The following RGS6 variants were observed in gnomAD, a reference collection of about 807,000 sequenced individuals.
RGS6 encodes the protein regulator of G-protein signaling 6.
RGS6 carries 30 observed loss-of-function variants against 78.5 expected under a neutral mutation model. The ratio of observed to expected loss-of-function variants is 0.38; its 90% CI spans 0.29 to 0.52. The LOEUF is 0.52. Among genes scored for constraint, RGS6 ranks in the 20% least tolerant of loss-of-function variants. The pLI is 0.85. For synonymous variants in RGS6, 206 were observed against 206.0 expected, an observed-to-expected ratio of 1.00 and a Z score of 0.00; for missense variants, 495 against 609.7, an observed-to-expected ratio of 0.81 and a Z score of 1.98.
At chr14:72,207,449 A>G (rs1051696446) in intron 2 of RGS6, among the ~76,000 whole-genome samples, 1 of 152,184 alleles carries the variant, frequency 6.6e-6, no homozygotes, top group African/African-American at 2.4e-5. Flanking sequence ...TCATCCGTAC[A>G]TCTAGATTGT....
At chr14:72,415,979 C>T (rs904909909) in intron 3 of RGS6, among the ~76,000 whole-genome samples, 6 of 152,018 alleles carry the variant, frequency 3.9e-5, no homozygotes, top group African/African-American at 1.2e-4. Flanking sequence ...GAAACCCCAA[C>T]TCTACTAAAA....
At chr14:72,348,449 T>C (rs1249596887) in intron 2 of RGS6, among the ~76,000 whole-genome samples, 2 of 152,350 alleles carry the variant, frequency 1.3e-5, no homozygotes, top group East Asian at 1.9e-4. Flanking sequence ...AAAATACTTA[T>C]AATGATTTTG....
At chr14:72,609,728 C>T in the RGS6 span, among the ~76,000 whole-genome samples, 1 of 152,112 alleles carries the variant, frequency 6.6e-6, no homozygotes, top group East Asian at 1.9e-4. Context: ...GAGGTGGGAG[C>T]TTTTTGTTTG....
chr14:72,093,064 AAAG>A (rs2095317034), intron 2 of RGS6, among the ~76,000 whole-genome samples: 1 of 151,878 alleles, frequency 6.6e-6, no homozygotes, highest in Non-Finnish European at 1.5e-5. Context: ...GTGTGTGTAT[AAAG>A]AATACCAATA....
chr14:72,282,668 A>G (rs1320488277), intron 2 of RGS6, among the ~76,000 whole-genome samples: 3 of 152,226 alleles, frequency 2.0e-5, no homozygotes, highest in Non-Finnish European at 4.4e-5. Flanking sequence ...ATGAGTTTGG[A>G]CATATGCAAT....
chr14:72,296,248 T>C (rs574190556), intron 2 of RGS6, among the ~76,000 whole-genome samples: 1 of 152,356 alleles, frequency 6.6e-6, no homozygotes, highest in Admixed American at 6.5e-5. Flanking sequence ...TATGCCAGTT[T>C]ATCCATTCTC....
intron 2 of RGS6, among the ~76,000 whole-genome samples, chr14:71,978,364 G>A (rs1163147543): frequency 8.9e-6 from 1 of 112,360 alleles, no homozygotes; most frequent in African/African-American, 3.3e-5. Context: ...AATGCTGCCA[G>A]TTTTTGCCCA....
At chr14:72,551,713 C>A (rs2097509321) in intron 17 of RGS6, among the ~76,000 whole-genome samples, 1 of 152,202 alleles carries the variant, frequency 6.6e-6, no homozygotes, top group Non-Finnish European at 1.5e-5. Context: ...ACAACAAAGC[C>A]CACTGCACAG....
intron 3 of RGS6, among the ~76,000 whole-genome samples, chr14:72,430,803 G>T (rs1156553407): frequency 1.3e-5 from 2 of 152,092 alleles, no homozygotes; most frequent in Non-Finnish European, 2.9e-5. Flanking sequence ...CCTCCCAAAT[G>T]CTGATCACCC....
At chr14:71,956,372 A>G (rs1295553424) in intron 1 of RGS6, among the ~76,000 whole-genome samples, 1 of 150,520 alleles carries the variant, frequency 6.6e-6, no homozygotes, top group Non-Finnish European at 1.5e-5. Context: ...TTCTATTTTT[A>G]TATATACAAT....
chr14:72,311,812 C>T (rs1320428842), intron 2 of RGS6, among the ~76,000 whole-genome samples: 1 of 152,124 alleles, frequency 6.6e-6, no homozygotes, highest in Admixed American at 6.5e-5. Flanking sequence ...GGTTTTAGAG[C>T]CATGGCAACC....
the RGS6 span, among the ~76,000 whole-genome samples, chr14:71,892,788 A>T: frequency 1.3e-5 from 2 of 152,262 alleles, no homozygotes; most frequent in Non-Finnish European, 2.9e-5. Flanking sequence ...ATGGATTATT[A>T]GGTAATTACA....
At chr14:71,882,689 C>T in the RGS6 span, among the ~76,000 whole-genome samples, 2 of 152,216 alleles carry the variant, frequency 1.3e-5, no homozygotes, top group Admixed American at 6.5e-5. Context: ...GATTTCTGCC[C>T]AGGAGAAAAG....
At chr14:72,069,413 A>C (rs1204787125) in intron 2 of RGS6, among the ~76,000 whole-genome samples, 1 of 152,202 alleles carries the variant, frequency 6.6e-6, no homozygotes, top group East Asian at 1.9e-4. Context: ...AAATTCAGTC[A>C]GTATCTTTTC....
At chr14:72,263,440 GTC>G (rs1019738911) in intron 2 of RGS6, among the ~76,000 whole-genome samples, 76 of 152,206 alleles carry the variant, frequency 5.0e-4, no homozygotes, top group Non-Finnish European at 8.1e-4. Context: ...GATGGCTGTG[GTC>G]TCTCTGCACT....
chr14:72,425,523 A>T (rs17115530), intron 3 of RGS6, among the ~76,000 whole-genome samples: 12,903 of 152,220 alleles, frequency 0.085, 985 homozygotes, highest in Admixed American at 0.21. Context: ...CAGTATACAA[A>T]TATTAGTACC....
At chr14:71,902,920 G>A in the RGS6 span, among the ~76,000 whole-genome samples, 4 of 152,366 alleles carry the variant, frequency 2.6e-5, no homozygotes, top group Middle Eastern at 6.8e-3. Context: ...CAGGGCAGGT[G>A]ATGTGTCCGG....
chr14:72,239,248 A>G (rs2052073274), intron 2 of RGS6, among the ~76,000 whole-genome samples: 1 of 152,126 alleles, frequency 6.6e-6, no homozygotes, highest in African/African-American at 2.4e-5. Flanking sequence ...GGAATTGTGC[A>G]CACACAGTGT....
intron 13 of RGS6, among the ~76,000 whole-genome samples, chr14:72,506,984 T>TAAACAAAA (rs2096810911): frequency 1.8e-5 from 1 of 54,378 alleles, no homozygotes. Context: ...CTGTCTCTAC[T>TAAACAAAA]AAAAAAAAAA....
Sources: gnomAD v4.1 joint callset for allele counts (sites outside exome capture counted in the v4.1 genomes callset) on GRCh38, gnomAD v4.1.1 for gene constraint, MANE v1.5 for transcripts, NCBI Gene and HGNC (gene_info 2026-07-23, HGNC 2026-07-21) for gene names.